KCNT2: variants seen among roughly 807,000 people sequenced by gnomAD.
KCNT2 encodes the protein potassium sodium-activated channel subfamily T member 2, also known as potassium channel subfamily T member 2.
A neutral mutation model predicts 153.8 loss-of-function variants in KCNT2; 67 were observed. The ratio of observed to expected loss-of-function variants is 0.44; its 90% CI spans 0.36 to 0.53. The LOEUF is 0.53. Among genes scored for constraint, KCNT2 ranks in the 20% least tolerant of loss-of-function variants. The pLI, the probability that KCNT2 is intolerant of heterozygous loss-of-function variation, is 0.00. For synonymous variants in KCNT2, 500 were observed against 458.8 expected, an observed-to-expected ratio of 1.09 and a Z score of -1.15; for missense variants, 975 against 1,354.8, an observed-to-expected ratio of 0.72 and a Z score of 4.40.
intron 25 of KCNT2, among the ~76,000 whole-genome samples, chr1:196,275,589 A>C (rs1443822024): frequency 1.3e-5 from 2 of 151,998 alleles, no homozygotes; most frequent in African/African-American, 2.4e-5. Context: ...CAGCCAAAGC[A>C]GTTATATCAG....
intron 14 of KCNT2, among the ~76,000 whole-genome samples, chr1:196,363,742 C>T (rs527465686): frequency 6.2e-4 from 95 of 152,218 alleles, no homozygotes; most frequent in African/African-American, 2.2e-3. Context: ...TTTTGGACTC[C>T]CCAAGAAAAT....
At chr1:196,490,223 T>C (rs1013153133) in intron 2 of KCNT2, among the ~76,000 whole-genome samples, 2 of 151,684 alleles carry the variant, frequency 1.3e-5, no homozygotes, top group Admixed American at 1.3e-4. Flanking sequence ...AAAATTTGTG[T>C]CCAATCGAGG....
chr1:196,508,873 G>T (rs1323038238), intron 1 of KCNT2, among the ~76,000 whole-genome samples: 1 of 152,154 alleles, frequency 6.6e-6, no homozygotes, highest in African/African-American at 2.4e-5. Context: ...ATTTGGCATT[G>T]TCTAGTCAAA....
chr1:196,305,490 T>A (rs1661542719), intron 21 of KCNT2, 145 bp from the exon 22 acceptor site: 3 of 543,784 alleles, frequency 5.5e-6, no homozygotes, highest in Non-Finnish European at 9.8e-6. Flanking sequence ...TAAAATCTTC[T>A]ATACAATGCA....
intron 27 of KCNT2, among the ~76,000 whole-genome samples, chr1:196,233,691 G>C (rs913406031): frequency 6.6e-6 from 1 of 151,330 alleles, no homozygotes; most frequent in Non-Finnish European, 1.5e-5. Flanking sequence ...ATGCAAAGTA[G>C]AATACCATTC....
At chr1:196,382,636 A>T (rs2147469) in intron 13 of KCNT2, among the ~76,000 whole-genome samples, 97,696 of 151,790 alleles carry the variant, frequency 0.64, 31,754 homozygotes, top group Middle Eastern at 0.76. Flanking sequence ...AAGGAAATCC[A>T]TCAATTATAA....
At chr1:196,581,019 T>C (rs764147271) in intron 1 of KCNT2, among the ~76,000 whole-genome samples, 4 of 152,148 alleles carry the variant, frequency 2.6e-5, no homozygotes, top group Non-Finnish European at 5.9e-5. Flanking sequence ...AAAGAACAGG[T>C]AATTTCTTCT....
At chr1:196,482,779 GA>G (rs1293015454) in intron 3 of KCNT2, among the ~76,000 whole-genome samples, 2 of 151,634 alleles carry the variant, frequency 1.3e-5, no homozygotes, top group African/African-American at 2.4e-5. Flanking sequence ...TAAATAACCA[GA>G]AAAAAATCAG....
chr1:196,287,556 T>C (rs528527154), intron 22 of KCNT2, among the ~76,000 whole-genome samples: 14 of 152,280 alleles, frequency 9.2e-5, no homozygotes, highest in Admixed American at 7.2e-4. Context: ...ACAGTGCTTA[T>C]TCCTATAGGA....
At chr1:196,463,459 T>C (rs528770727) in intron 8 of KCNT2, among the ~76,000 whole-genome samples, 1 of 151,908 alleles carries the variant, frequency 6.6e-6, no homozygotes, top group East Asian at 1.9e-4. Flanking sequence ...TTATGATACA[T>C]GTGATTAAAC....
Position 196,458,977 on chromosome 1 carries a change from T to C in KCNT2, c.638+6316A>G, listed in dbSNP as rs188218775. Among the ~76,000 whole-genome samples the C allele has an allele frequency of 7.9e-5, 12 of 152,006 alleles. No homozygotes were observed. In the East Asian group the frequency reaches 2.3e-3, roughly 30 times the overall value. On this transcript the variant is annotated intron_variant, in intron 8 of 27. Coordinates refer to ENST00000294725, the MANE Select transcript of KCNT2 (RefSeq NM_198503.5). ...TCAGCCCTCAACTTGCACTTTGGTA[T>C]TTATTCAGTGAATACCAATTAAATT...
intron 12 of KCNT2, among the ~76,000 whole-genome samples, chr1:196,413,906 A>G (rs886801549): frequency 2.6e-5 from 4 of 151,666 alleles, no homozygotes; most frequent in Admixed American, 6.6e-5. Context: ...AAAAATATAC[A>G]CAGACCAATT....
intron 1 of KCNT2, among the ~76,000 whole-genome samples, chr1:196,556,943 C>T (rs1408422206): frequency 6.6e-6 from 1 of 150,978 alleles, no homozygotes; most frequent in Non-Finnish European, 1.5e-5. Context: ...CAATTGAACT[C>T]ATGGAGAAAA....
chr1:196,310,186 A>G (rs1011081066), intron 21 of KCNT2, among the ~76,000 whole-genome samples: 6 of 151,868 alleles, frequency 4.0e-5, no homozygotes, highest in Admixed American at 6.6e-5. Flanking sequence ...CTACTGAGCT[A>G]TATATTACAC....
intron 6 of KCNT2, among the ~76,000 whole-genome samples, 154 bp downstream of exon 6, chr1:196,468,840 C>G (rs977308215): frequency 2.0e-5 from 3 of 151,972 alleles, no homozygotes; most frequent in African/African-American, 4.8e-5. Context: ...CAACACGATC[C>G]AACCAATTTT....
intron 1 of KCNT2, among the ~76,000 whole-genome samples, chr1:196,553,430 C>T (rs1166390172): frequency 6.6e-6 from 1 of 150,816 alleles, no homozygotes; most frequent in African/African-American, 2.4e-5. Flanking sequence ...AATAAAGAAA[C>T]ATAGGACTTA....
chr1:196,293,878 AAAAC>A (rs201689247), intron 22 of KCNT2, among the ~76,000 whole-genome samples: 7,144 of 151,796 alleles, frequency 0.047, 250 homozygotes, highest in Non-Finnish European at 0.068. Context: ...AAAAAACAAA[AAAAC>A]AAAAAACAAA....
chr1:196,583,705 G>A lies in KCNT2; in HGVS notation c.95+24510C>T, dbSNP rs532959889. ...AGAAGGAAGTTTCAAGAAAGAGGAG[G>A]AGAATCAGAAAAAAAAAATTGTTCA... On this transcript the variant is annotated intron_variant, in intron 1 of 27. Coordinates refer to ENST00000294725, the MANE Select transcript of KCNT2 (RefSeq NM_198503.5). Among the ~76,000 whole-genome samples, 139 of 151,366 alleles carry A rather than the reference G, an allele frequency of 9.2e-4. 1 individual carries two copies. Among genetic ancestry groups the A allele is most frequent in the Non-Finnish European group, 1.7e-3 (115 of 67,788 alleles).
At chr1:196,387,385 A>G (rs984852716) in intron 13 of KCNT2, among the ~76,000 whole-genome samples, 1 of 151,758 alleles carries the variant, frequency 6.6e-6, no homozygotes, top group Non-Finnish European at 1.5e-5. Context: ...AATATAACTA[A>G]CCCATTCCTG....
Sources: gnomAD v4.1 joint callset for allele counts (sites outside exome capture counted in the v4.1 genomes callset) on GRCh38, gnomAD v4.1.1 for gene constraint, MANE v1.5 for transcripts, NCBI Gene and HGNC (gene_info 2026-07-23, HGNC 2026-07-21) for gene names.